FZD3: variants seen among roughly 807,000 people sequenced by gnomAD.
The protein encoded by FZD3 is frizzled-3.
A neutral mutation model predicts 60.7 loss-of-function variants in FZD3; 30 were observed. That is an observed-to-expected ratio of 0.49 (90% CI 0.37 to 0.67). The LOEUF (loss-of-function observed/expected upper bound fraction) is 0.67. FZD3 is among the 30% of genes least tolerant of loss of function. The pLI, the probability that FZD3 is intolerant of heterozygous loss-of-function variation, is 0.00. For synonymous variants in FZD3, 246 were observed against 275.2 expected (o/e 0.89, Z 1.05); for missense variants, 605 against 838.7 (o/e 0.72, Z 3.44).
intron 5 of FZD3, among the ~76,000 whole-genome samples, chr8:28,532,834 A>G (rs995424578): frequency 2.0e-5 from 3 of 152,156 alleles, no homozygotes; most frequent in African/African-American, 7.2e-5. Flanking sequence ...AATAGGGACA[A>G]ATTTGTCTCA....
chr8:28,527,839 T>C lies in FZD3; in HGVS notation c.1079T>C (p.Val360Ala). Residue 360 changes from valine to alanine, a missense_variant, in exon 5 of 8, where the codon GTG (valine) becomes GCG (alanine). Val to Ala is a moderately conservative substitution (Grantham distance 64, BLOSUM62 0). Coordinates refer to ENST00000240093, the MANE Select transcript of FZD3 (RefSeq NM_017412.4). The surrounding 1 kb of genome is among the most constrained non-coding windows in gnomAD (Gnocchi z 5.0). ...ATTGAAGGTGACAATATTAGTGGCG[T>C]GTGTTTTGTTGGCCTCTACGATGTT... is the stretch of plus-strand genomic sequence containing the variant. ...NKIEGDNISG[V>A]CFVGLYDVDA... The C allele has an allele frequency of 6.2e-7, 1 of 1,613,986 alleles. No individual in the cohort carries two copies. The highest frequency in any genetic ancestry group is 8.5e-7 in the Non-Finnish European group (1 of 1,179,862).
chr8:28,521,966 C>T (rs1011145641), intron 4 of FZD3, among the ~76,000 whole-genome samples: 2 of 152,134 alleles, frequency 1.3e-5, no homozygotes, highest in Admixed American at 6.6e-5. Context: ...GTTACTCTTA[C>T]TTGACAGATG....
At chr8:28,545,421 C>T (rs137961074) in intron 5 of FZD3, among the ~76,000 whole-genome samples, 7 of 152,266 alleles carry the variant, frequency 4.6e-5, no homozygotes, top group Admixed American at 1.3e-4. Flanking sequence ...GAAGCCCAGG[C>T]TGGCCCTAAG....
rs372358258 is a variant in FZD3, at chr8:28,500,953, G to A, written c.-345+975G>A. Among the ~76,000 whole-genome samples, 15 of 152,184 alleles carry A rather than the reference G, an allele frequency of 9.9e-5. 1 individual carries two copies. In the East Asian group the frequency reaches 1.9e-3, roughly 20 times the overall value. On this transcript the variant is annotated intron_variant, in intron 2 of 7. Coordinates refer to ENST00000240093, the MANE Select transcript of FZD3 (RefSeq NM_017412.4). ...TTTTTTGTATTTTTAGTAGAGACAGGGTTTCACTATGTTGGCCAGGCTGGT... is the reference window on the plus strand; with the variant it reads ...TTTTTTGTATTTTTAGTAGAGACAGAGTTTCACTATGTTGGCCAGGCTGGT...
At position 28,503,058 on chromosome 8, in the gene FZD3, G is replaced by A; in HGVS notation, c.45G>A (p.Val15=). The A allele has an allele frequency of 6.2e-7, 1 of 1,613,626 alleles. No homozygotes were observed. The highest frequency in any genetic ancestry group is 8.5e-7 in the Non-Finnish European group (1 of 1,179,628). Residue 15 remains valine, a synonymous_variant, in exon 3 of 8, where the codon GTG becomes GTA. Transcript: ENST00000240093. The part of the protein sequence containing the change: ...WIVFSLWPLT[V]FMGHIGGHSL... Reference sequence around the variant, plus strand: ...TCTTCTCTCTTTGGCCCTTGACTGTGTTCATGGGGCATATAGGTGGGCACA... The same window carrying A: ...TCTTCTCTCTTTGGCCCTTGACTGTATTCATGGGGCATATAGGTGGGCACA...
At chr8:28,549,028 C>T (rs1413704084) in intron 5 of FZD3, among the ~76,000 whole-genome samples, 1 of 152,178 alleles carries the variant, frequency 6.6e-6, no homozygotes, top group African/African-American at 2.4e-5. Context: ...CTAATTTTCT[C>T]ACAGCTCTAG....
intron 5 of FZD3, among the ~76,000 whole-genome samples, chr8:28,542,587 A>C (rs775896937): frequency 2.6e-5 from 4 of 152,108 alleles, no homozygotes; most frequent in Non-Finnish European, 5.9e-5. Flanking sequence ...GCAGTGAGCC[A>C]AGATCCTGCC....
At chr8:28,503,932 T>C (rs1037023741) in intron 3 of FZD3, among the ~76,000 whole-genome samples, 4 of 152,348 alleles carry the variant, frequency 2.6e-5, no homozygotes, top group East Asian at 3.8e-4. Context: ...TGAAAATCCA[T>C]GTATAGTACT....
intron 7 of FZD3, among the ~76,000 whole-genome samples, chr8:28,558,710 G>C (rs1805559910): frequency 6.6e-6 from 1 of 152,152 alleles, no homozygotes; most frequent in Non-Finnish European, 1.5e-5. Flanking sequence ...GGGACTGCGG[G>C]CATGAGCCAC....
chr8:28,494,620 G>A (rs1803787475), intron 1 of FZD3, among the ~76,000 whole-genome samples: 1 of 152,058 alleles, frequency 6.6e-6, no homozygotes, highest in Non-Finnish European at 1.5e-5. Context: ...GAGGCTGGGG[G>A]CTGAGGGCTG....
At chr8:28,556,752 T>G (rs1805516101) in intron 7 of FZD3, among the ~76,000 whole-genome samples, 1 of 151,016 alleles carries the variant, frequency 6.6e-6, no homozygotes, top group Admixed American at 6.5e-5. Context: ...AAACTTTATT[T>G]GCAAAAATAG....
intron 4 of FZD3, among the ~76,000 whole-genome samples, chr8:28,522,067 A>G (rs117579441): frequency 0.023 from 3,457 of 151,742 alleles, 61 homozygotes; most frequent in Middle Eastern, 0.044. Flanking sequence ...AAGCACAGTG[A>G]CATTTAATGA....
At chr8:28,552,102 T>G (rs1186756962) in intron 6 of FZD3, among the ~76,000 whole-genome samples, 1 of 152,198 alleles carries the variant, frequency 6.6e-6, no homozygotes, top group African/African-American at 2.4e-5. Context: ...CTTTGAAGGT[T>G]GACATATATT....
At position 28,573,892 on chromosome 8, in the gene FZD3, T is replaced by G. The variant is rs1050960742; in HGVS notation, c.*10881T>G. The G allele has an allele frequency of 6.6e-6, 1 of 152,194 alleles. No homozygotes were observed. Among genetic ancestry groups the G allele is most frequent in the South Asian group, 2.1e-4 (1 of 4,832 alleles). The allele number at this position is 152,194 out of a possible 1,614,324, so 9.4% of individuals were successfully genotyped here. ...GTGATTCTAAATGTCTAATGTTGAT[T>G]TATCATATAAACATCTAATTAGAAA... On this transcript the variant is annotated 3_prime_UTR_variant, in exon 8 of 8. Transcript: ENST00000240093.
Position 28,496,010 on chromosome 8 carries a change from A to G in FZD3, c.-391+1667A>G, listed in dbSNP as rs915936211. Among the ~76,000 whole-genome samples the G allele has an allele frequency of 3.3e-5, 5 of 152,330 alleles. No homozygotes were observed. In the South Asian group the frequency reaches 8.3e-4, roughly 25 times the overall value. ...GTCCCATTTATAAAAGGAGAAGGACAATGAGCTGTTTCCTCATCCTAGCTG... is the reference window on the plus strand; with the variant it reads ...GTCCCATTTATAAAAGGAGAAGGACGATGAGCTGTTTCCTCATCCTAGCTG... On this transcript the variant is annotated intron_variant, in intron 1 of 7. Transcript: ENST00000240093.
chr8:28,511,293 C>T (rs1461421995), intron 3 of FZD3, among the ~76,000 whole-genome samples: 1 of 152,112 alleles, frequency 6.6e-6, no homozygotes, highest in East Asian at 1.9e-4. Flanking sequence ...CAAGACCAGC[C>T]TGGCCAACAT....
At chr8:28,504,424 C>T (rs1274776891) in intron 3 of FZD3, among the ~76,000 whole-genome samples, 2 of 152,072 alleles carry the variant, frequency 1.3e-5, no homozygotes, top group African/African-American at 4.8e-5. Flanking sequence ...CAATTTCTCA[C>T]AGAAAATTGA....
chr8:28,562,935 G>T lies in FZD3; in HGVS notation c.1925G>T (p.Ser642Ile), dbSNP rs1467842934. ...CGACATAGCAGCATCAGAGATCTCA[G>T]TAATAATCCCATGACTCATATCACA... ...QSRHSSIRDL[S>I]NNPMTHITHG... Residue 642 changes from serine (S) to isoleucine (I), a missense_variant, in exon 8 of 8, where the codon AGT becomes ATT. By Grantham distance (142) the Ser-to-Ile change is moderately radical. Coordinates refer to ENST00000240093, the MANE Select transcript of FZD3 (RefSeq NM_017412.4). 6.2e-7 allele frequency: 1 copy of T among 1,613,612 alleles called. No homozygotes were observed. The highest frequency in any genetic ancestry group is 1.7e-5 in the Admixed American group (1 of 60,008).
In FZD3 at chr8:28,570,794, T is replaced by C. The variant is rs535869680; in HGVS notation, c.*7783T>C. On this transcript the variant is annotated 3_prime_UTR_variant, in exon 8 of 8. Coordinates refer to ENST00000240093, the MANE Select transcript of FZD3 (RefSeq NM_017412.4). ...TCTACATTAGCTCATATCAGTCTTT[T>C]GAACACTGGTTCAAATCTGGGTGTT... is the stretch of plus-strand genomic sequence containing the variant. 1 of 152,176 alleles carries C rather than the reference T, an allele frequency of 6.6e-6. No homozygotes were observed. Among genetic ancestry groups the C allele is most frequent in the African/African-American group, 2.4e-5 (1 of 41,430 alleles). The allele number at this position is 152,176 out of a possible 1,614,324, so 9.4% of individuals were successfully genotyped here.
Sources: allele counts gnomAD v4.1 joint callset (sites outside exome capture counted in the v4.1 genomes callset), GRCh38; gene constraint gnomAD v4.1.1; non-coding constraint Gnocchi (gnomAD v3.1); transcripts MANE v1.5; gene names NCBI Gene and HGNC (gene_info 2026-07-23, HGNC 2026-07-21).